Variants in POFUT4 observed in about 807,000 individuals in gnomAD.
POFUT4 encodes the protein protein O-fucosyltransferase 4, also known as GDP-fucose protein O-fucosyltransferase 4.
the POFUT4 span, chr10:73,779,665 A>G: frequency 6.6e-6 from 1 of 152,254 alleles, no homozygotes; most frequent in Admixed American, 6.5e-5. Context: ...CTAAATGCAG[A>G]TGCTAATTTA....
At chr10:73,772,592 C>T in the POFUT4 span, 2 of 1,578,792 alleles carry the variant, frequency 1.3e-6, no homozygotes, top group Admixed American at 1.8e-5. Context: ...AGGGCTATTC[C>T]CCCACTTCCC....
the POFUT4 span, chr10:73,779,972 T>TC: frequency 1.3e-5 from 2 of 152,334 alleles, no homozygotes; most frequent in Middle Eastern, 3.4e-3. Flanking sequence ...GTATTACATT[T>TC]CCACAAGGGA....
the POFUT4 span, chr10:73,773,301 T>C: frequency 1.2e-6 from 2 of 1,614,080 alleles, no homozygotes; most frequent in Non-Finnish European, 8.5e-7. Flanking sequence ...CTTGTCCCGC[T>C]ATAAGTTCCA....
the POFUT4 span, chr10:73,773,612 T>A: frequency 1.2e-6 from 2 of 1,614,234 alleles, no homozygotes; most frequent in Non-Finnish European, 1.7e-6. Flanking sequence ...GAGTGAATGA[T>A]CCTTTGCTGC....
chr10:73,773,070 A>G, the POFUT4 span: 1 of 1,547,798 alleles, frequency 6.5e-7, no homozygotes, highest in Non-Finnish European at 8.7e-7. Flanking sequence ...GAGGGAAGGA[A>G]AAGGAGAGGG....
the POFUT4 span, chr10:73,772,325 G>A: frequency 4.2e-6 from 6 of 1,439,666 alleles, no homozygotes; most frequent in East Asian, 8.3e-5. Flanking sequence ...GCCGGCTGCC[G>A]GAGTGGACAT....
At chr10:73,773,931 A>T in the POFUT4 span, 1 of 1,172,796 alleles carries the variant, frequency 8.5e-7, no homozygotes, top group South Asian at 1.6e-5. Flanking sequence ...ACATGGGCTC[A>T]TTCTGTATTT....
chr10:73,772,854 A>G, the POFUT4 span: 1 of 1,612,158 alleles, frequency 6.2e-7, no homozygotes, highest in Non-Finnish European at 8.5e-7. Context: ...TTCAGTCGCC[A>G]CTCGGATTAC....
At chr10:73,772,467 C>G in the POFUT4 span, 4 of 1,552,980 alleles carry the variant, frequency 2.6e-6, no homozygotes, top group Non-Finnish European at 3.5e-6. Flanking sequence ...TGGGATGGCG[C>G]GGTTTTCCGG....
the POFUT4 span, chr10:73,773,504 C>G: frequency 6.2e-7 from 1 of 1,614,206 alleles, no homozygotes. Context: ...ACTTTCTGGA[C>G]AAGAATGATG....
At chr10:73,775,518 C>T in the POFUT4 span, 2 of 1,614,216 alleles carry the variant, frequency 1.2e-6, no homozygotes, top group East Asian at 2.2e-5. Context: ...TTCCATAATC[C>T]AACCCCCATT....
the POFUT4 span, chr10:73,780,033 C>T: frequency 6.6e-6 from 1 of 152,156 alleles, no homozygotes; most frequent in East Asian, 1.9e-4. Context: ...TTCACTTTCC[C>T]TATAGAGAAA....
At chr10:73,772,664 G>A in the POFUT4 span, 92 of 1,557,324 alleles carry the variant, frequency 5.9e-5, no homozygotes, top group Non-Finnish European at 7.9e-5. Context: ...GAACCGCCGA[G>A]CGCTGAGGGA....
the POFUT4 span, chr10:73,774,917 C>T: frequency 6.2e-6 from 1 of 162,190 alleles, no homozygotes; most frequent in African/African-American, 2.4e-5. Flanking sequence ...CTATAGAAAC[C>T]GACTTGGACA....
chr10:73,772,521 G>A, the POFUT4 span: 3 of 1,563,732 alleles, frequency 1.9e-6, no homozygotes, highest in Non-Finnish European at 2.6e-6. Flanking sequence ...CGCAGCTCTG[G>A]GACGCCGCGG....
At chr10:73,772,394 G>A in the POFUT4 span, 1,071 of 1,568,818 alleles carry the variant, frequency 6.8e-4, 3 homozygotes, top group Middle Eastern at 2.4e-3. Context: ...TGTCTGTGCA[G>A]CCAGCGGCCA....
chr10:73,775,337 G>A, the POFUT4 span: 5 of 1,225,878 alleles, frequency 4.1e-6, no homozygotes, highest in Non-Finnish European at 5.8e-6. Flanking sequence ...TGGGTAGTCT[G>A]TGTGATGTCT....
the POFUT4 span, chr10:73,772,602 C>G: frequency 6.4e-7 from 1 of 1,568,468 alleles, no homozygotes. Context: ...CCCCACTTCC[C>G]GGGAGACTCG....
the POFUT4 span, chr10:73,772,674 A>C: frequency 3.8e-6 from 6 of 1,558,598 alleles, no homozygotes; most frequent in Non-Finnish European, 5.2e-6. Context: ...GCGCTGAGGG[A>C]CTCGCGGACG....
Sources: allele counts gnomAD v4.1 joint callset, GRCh38; gene constraint gnomAD v4.1.1; transcripts MANE v1.5; gene names NCBI Gene and HGNC (gene_info 2026-07-23, HGNC 2026-07-21).